ERBB4: variants seen among roughly 807,000 people sequenced by gnomAD.
ERBB4 encodes receptor tyrosine-protein kinase erbB-4.
A neutral mutation model predicts 158.0 loss-of-function variants in ERBB4; 42 were observed. The observed-to-expected ratio is 0.27, with a 90% confidence interval of 0.21 to 0.34. The LOEUF is 0.34. Among genes scored for constraint, ERBB4 ranks in the 10% least tolerant of loss-of-function variants. The pLI is 1.00. For missense variants in ERBB4, 1,333 were observed against 1,624.1 expected (o/e 0.82, Z 3.08); for synonymous variants, 583 against 558.7 (o/e 1.04, Z -0.61).
At chr2:211,512,999 A>G (rs1298235622) in intron 20 of ERBB4, among the ~76,000 whole-genome samples, 2 of 152,116 alleles carry the variant, frequency 1.3e-5, no homozygotes, top group African/African-American at 4.8e-5. Context: ...CTGAAACATT[A>G]GACAGTATTC....
intron 13 of ERBB4, among the ~76,000 whole-genome samples, chr2:211,674,006 T>A (rs1559404530): frequency 6.6e-6 from 1 of 152,102 alleles, no homozygotes; most frequent in Non-Finnish European, 1.5e-5. Context: ...CTTACATTTT[T>A]GTGGCTATTT....
In ERBB4 at chr2:211,513,955, AATT is replaced by A. The variant is rs145455375; in HGVS notation, c.2487+47945_2487+47947del. Among the ~76,000 whole-genome samples the A allele has an allele frequency of 6.3e-3, 955 of 152,154 alleles. 7 individuals carry two copies. Among genetic ancestry groups the A allele is most frequent in the African/African-American group, 0.021 (875 of 41,534 alleles). On this transcript the variant is annotated intron_variant, in intron 20 of 27. Transcript: ENST00000342788. ...ATCAGGGATATCCATCGTTTCAAACAATTATTATTCATTTGTGTTGGGAACCTT... is the reference window on the plus strand; with the variant it reads ...ATCAGGGATATCCATCGTTTCAAACAATTATTCATTTGTGTTGGGAACCTT...
At chr2:212,180,179 C>CA (rs2081812388) in intron 1 of ERBB4, among the ~76,000 whole-genome samples, 1 of 151,636 alleles carries the variant, frequency 6.6e-6, no homozygotes. Context: ...TATAATGGAC[C>CA]AATAATTGAA....
intron 1 of ERBB4, among the ~76,000 whole-genome samples, chr2:212,169,725 C>A (rs12694265): frequency 6.6e-6 from 1 of 151,848 alleles, no homozygotes; most frequent in South Asian, 2.1e-4. Flanking sequence ...TGGATCATGG[C>A]GGTGATTTTC....
intron 3 of ERBB4, among the ~76,000 whole-genome samples, chr2:211,891,687 A>T (rs2078973079): frequency 7.6e-6 from 1 of 132,008 alleles, no homozygotes; most frequent in South Asian, 2.5e-4. Flanking sequence ...AAAAGAGAGA[A>T]GAATCAAATA....
chr2:211,571,201 T>G (rs2067719785), intron 19 of ERBB4, among the ~76,000 whole-genome samples: 2 of 151,932 alleles, frequency 1.3e-5, no homozygotes, highest in South Asian at 4.2e-4. Context: ...GTCCCTTCAA[T>G]GCAGAAATAC....
chr2:212,038,517 A>G (rs1163370674), intron 2 of ERBB4, among the ~76,000 whole-genome samples: 1 of 152,122 alleles, frequency 6.6e-6, no homozygotes, highest in Admixed American at 6.6e-5. Context: ...TATGTCTAAA[A>G]TATCTCTACC....
intron 1 of ERBB4, among the ~76,000 whole-genome samples, chr2:212,130,587 G>A (rs2125584047): frequency 6.6e-6 from 1 of 152,008 alleles, no homozygotes; most frequent in South Asian, 2.1e-4. Flanking sequence ...AGCTTGTTCT[G>A]GCTATGAAAT....
chr2:211,952,662 T>C (rs371475570), intron 2 of ERBB4, among the ~76,000 whole-genome samples: 6 of 152,092 alleles, frequency 3.9e-5, no homozygotes, highest in African/African-American at 1.2e-4. Flanking sequence ...CTTACTAGCT[T>C]TGTGGCTTTC....
intron 2 of ERBB4, among the ~76,000 whole-genome samples, chr2:212,073,545 T>A (rs1218291218): frequency 1.3e-5 from 2 of 151,480 alleles, no homozygotes; most frequent in African/African-American, 2.4e-5. Context: ...AGGGAGTGAG[T>A]CAGAGGATAA....
intron 4 of ERBB4, among the ~76,000 whole-genome samples, chr2:211,752,135 T>C (rs1429671428): frequency 6.6e-6 from 1 of 152,132 alleles, no homozygotes; most frequent in Non-Finnish European, 1.5e-5. Context: ...GCCTGAACAA[T>C]ATAACTTTAA....
intron 1 of ERBB4, among the ~76,000 whole-genome samples, chr2:212,267,440 T>G (rs1285255045): frequency 3.3e-5 from 5 of 151,838 alleles, no homozygotes; most frequent in African/African-American, 7.2e-5. Flanking sequence ...TATATTTGAA[T>G]AGGTCTAGGT....
intron 4 of ERBB4, among the ~76,000 whole-genome samples, chr2:211,770,760 A>C (rs1464050453): frequency 2.0e-5 from 3 of 152,162 alleles, no homozygotes; most frequent in East Asian, 1.9e-4. Context: ...GAGGCCCCCA[A>C]ATCAGGCTCT....
At position 211,947,557 on chromosome 2, in the gene ERBB4, A is replaced by G. The variant is rs1267638434; in HGVS notation, c.294T>C (p.Pro98=). The part of the protein sequence containing the change: ...LVALNQFRYL[P]LENLRIIRGT... ...CACGAATAATGCGTAAATTCTCCAG[A>G]GGCAGGTAACGAAACTGATTAAGAG... is the stretch of plus-strand genomic sequence containing the variant. Residue 98 remains proline, a synonymous_variant, in exon 3 of 28, where the codon CCT becomes CCC. Transcript: ENST00000342788. 1.2e-6 allele frequency: 2 copies of G among 1,613,892 alleles called. No homozygotes were observed. Among genetic ancestry groups the G allele is most frequent in the Non-Finnish European group, 1.7e-6 (2 of 1,179,922 alleles).
intron 3 of ERBB4, among the ~76,000 whole-genome samples, chr2:211,916,098 T>C (rs1381783237): frequency 6.6e-6 from 1 of 151,884 alleles, no homozygotes; most frequent in Non-Finnish European, 1.5e-5. Flanking sequence ...AAATTAAAAA[T>C]ATCTAGAGTG....
chr2:211,758,640 A>C (rs1310447975), intron 4 of ERBB4, among the ~76,000 whole-genome samples: 1 of 152,206 alleles, frequency 6.6e-6, no homozygotes, highest in East Asian at 1.9e-4. Context: ...TAAAGAATAT[A>C]CTGAGATGTG....
chr2:212,418,140 C>T (rs1427150915), intron 1 of ERBB4, among the ~76,000 whole-genome samples: 1 of 151,850 alleles, frequency 6.6e-6, no homozygotes, highest in Non-Finnish European at 1.5e-5. Flanking sequence ...TATTGTTAGC[C>T]ATTCGGTCTA....
intron 20 of ERBB4, among the ~76,000 whole-genome samples, chr2:211,513,014 T>G (rs2065920498): frequency 6.6e-6 from 1 of 152,068 alleles, no homozygotes; most frequent in South Asian, 2.1e-4. Flanking sequence ...GTATTCTGAT[T>G]TGAGCAGAGC....
chr2:211,650,563 T>C (rs529934214), intron 16 of ERBB4, among the ~76,000 whole-genome samples: 5 of 152,234 alleles, frequency 3.3e-5, no homozygotes, highest in African/African-American at 1.2e-4. Context: ...TTGAAGCTGA[T>C]GAAATAAACA....
Sources: gnomAD v4.1 joint callset for allele counts (sites outside exome capture counted in the v4.1 genomes callset) on GRCh38, gnomAD v4.1.1 for gene constraint, MANE v1.5 for transcripts, NCBI Gene and HGNC (gene_info 2026-07-23, HGNC 2026-07-21) for gene names.